LINC00632: variants seen among roughly 807,000 people sequenced by gnomAD.
LINC00632 encodes long independently transcribed non-coding RNA 632, also known as ALDOA related specific transcript.
exon 5 of LINC00632, chrX:140,784,434 T>A: frequency 8.8e-7 from 1 of 1,139,041 alleles, no homozygotes; most frequent in Non-Finnish European, 1.2e-6. Flanking sequence ...TTCCAACAAA[T>A]CCATGTCTTC....
intron 3 of LINC00632, among the ~76,000 whole-genome samples, chrX:140,745,453 C>T (rs1204119155): frequency 9.0e-6 from 1 of 111,385 alleles, no homozygotes; most frequent in Admixed American, 9.6e-5. Flanking sequence ...GCTTTTTCCT[C>T]TCAACAGTCC....
chrX:140,776,719 G>T (rs1295019170), exon 5 of LINC00632, among the ~76,000 whole-genome samples: 1 of 111,786 alleles, frequency 8.9e-6, no homozygotes, highest in Non-Finnish European at 1.9e-5. Flanking sequence ...TAACCACTGT[G>T]GAAGACAGTG....
exon 5 of LINC00632, among the ~76,000 whole-genome samples, chrX:140,790,507 A>T (rs1018285649): frequency 9.0e-6 from 1 of 110,555 alleles, no homozygotes; most frequent in East Asian, 2.8e-4. Flanking sequence ...CTACATTATT[A>T]TTTTTTTCAG....
At chrX:140,787,016 T>G (rs1932028106) in exon 5 of LINC00632, among the ~76,000 whole-genome samples, 1 of 111,697 alleles carries the variant, frequency 9.0e-6, no homozygotes, top group African/African-American at 3.2e-5. Flanking sequence ...TATGTATGAT[T>G]TTATTTTCTT....
Position 140,783,886 on chromosome X carries a change from C to T in LINC00632, n.11905C>T, listed in dbSNP as rs761718627. 6.0e-5 allele frequency: 72 copies of T among 1,207,305 alleles called. 1 individual carries two copies. The highest frequency in any genetic ancestry group is 3.1e-4 in the Admixed American group (14 of 45,328). ...CGTCTTCCCAACAATCCAAGTCTTC[C>T]GGATAATTTGGGTCTTCCTGAAAAT... On this transcript the variant is annotated non_coding_transcript_exon_variant, in exon 5 of 5. Coordinates refer to ENST00000648200, the Ensembl canonical transcript of LINC00632.
intron 2 of LINC00632, among the ~76,000 whole-genome samples, chrX:140,728,344 T>C (rs2148384001): frequency 9.0e-6 from 1 of 111,163 alleles, no homozygotes; most frequent in South Asian, 3.9e-4. Context: ...ATGTACCCTA[T>C]GACAGAAAGG....
chrX:140,748,976 A>C (rs1269410881), intron 3 of LINC00632, among the ~76,000 whole-genome samples: 1 of 109,125 alleles, frequency 9.2e-6, no homozygotes, highest in Non-Finnish European at 1.9e-5. Flanking sequence ...AATAAGTATA[A>C]GTAACTTTTT....
At chrX:140,716,057 G>T (rs1360399720) in intron 2 of LINC00632, 1 of 112,309 alleles carries the variant, frequency 8.9e-6, no homozygotes, top group Non-Finnish European at 1.9e-5. Context: ...GTGCAAAACT[G>T]ACAGTGCACA....
intron 3 of LINC00632, among the ~76,000 whole-genome samples, chrX:140,753,894 G>A (rs1278550394): frequency 9.6e-6 from 1 of 104,152 alleles, no homozygotes; most frequent in African/African-American, 3.6e-5. Flanking sequence ...TCCTGCCTCA[G>A]CCTGCCGAGT....
chrX:140,742,865 G>A (rs1380885427), intron 3 of LINC00632, among the ~76,000 whole-genome samples: 6 of 95,024 alleles, frequency 6.3e-5, no homozygotes, highest in African/African-American at 2.6e-4. Context: ...GAGAGAGAGA[G>A]AGAGAGAGAG....
intron 3 of LINC00632, among the ~76,000 whole-genome samples, chrX:140,771,825 A>T (rs1275798433): frequency 6.8e-5 from 7 of 103,199 alleles, no homozygotes; most frequent in Non-Finnish European, 1.4e-4. Context: ...GATTATAGGC[A>T]TGTGCCACCA....
intron 3 of LINC00632, chrX:140,764,762 TC>T (rs1218725784): frequency 2.7e-5 from 3 of 111,395 alleles, no homozygotes; most frequent in Non-Finnish European, 1.9e-5. Context: ...CCCCACAAAT[TC>T]CCTGAGCGGA....
intron 3 of LINC00632, among the ~76,000 whole-genome samples, chrX:140,766,992 G>C (rs1234691727): frequency 8.9e-6 from 1 of 111,911 alleles, no homozygotes; most frequent in Non-Finnish European, 1.9e-5. Context: ...TCATTGTTAT[G>C]CTACAGGTAT....
chrX:140,710,441 T>C (rs1930491295), intron 1 of LINC00632, among the ~76,000 whole-genome samples: 1 of 111,392 alleles, frequency 9.0e-6, no homozygotes. Context: ...TAATGAATAT[T>C]ATGATCGTGC....
chrX:140,727,639 C>T (rs1056729187), intron 2 of LINC00632, among the ~76,000 whole-genome samples: 9 of 111,342 alleles, frequency 8.1e-5, no homozygotes, highest in African/African-American at 2.9e-4. Flanking sequence ...AATGCCAAGA[C>T]TTACCCCACA....
At chrX:140,788,646 A>T (rs930779623) in exon 5 of LINC00632, among the ~76,000 whole-genome samples, 6 of 109,383 alleles carry the variant, frequency 5.5e-5, no homozygotes, top group African/African-American at 2.0e-4. Flanking sequence ...TACATAGCGC[A>T]TGATCCAAAA....
chrX:140,754,164 G>A (rs1198319314), intron 3 of LINC00632, among the ~76,000 whole-genome samples: 1 of 111,487 alleles, frequency 9.0e-6, no homozygotes, highest in Non-Finnish European at 1.9e-5. Context: ...TCCCAAGGTT[G>A]AAACCATCCA....
intron 3 of LINC00632, among the ~76,000 whole-genome samples, chrX:140,765,736 A>G (rs372220928): frequency 2.2e-5 from 1 of 44,652 alleles, no homozygotes; most frequent in Non-Finnish European, 4.0e-5. Context: ...GGGGTTTTCA[A>G]TTCTTACCCC....
chrX:140,731,500 G>A (rs1329482421), intron 2 of LINC00632, among the ~76,000 whole-genome samples: 1 of 111,370 alleles, frequency 9.0e-6, no homozygotes, highest in African/African-American at 3.3e-5. Context: ...CTTAGGCAAG[G>A]TACTTTAATT....
Sources: allele counts gnomAD v4.1 joint callset (sites outside exome capture counted in the v4.1 genomes callset), GRCh38; gene constraint gnomAD v4.1.1; transcripts MANE v1.5; gene names NCBI Gene and HGNC (gene_info 2026-07-23, HGNC 2026-07-21).